The following FGF13 variants were observed in gnomAD, a reference collection of about 807,000 sequenced individuals.
FGF13 encodes the protein fibroblast growth factor 13.
FGF13 carries 2 observed loss-of-function variants against 19.5 expected under a neutral mutation model. The ratio of observed to expected loss-of-function variants is 0.10; its 90% CI spans 0.04 to 0.32. The LOEUF is 0.32. Ranked by LOEUF, FGF13 falls within the 10% of genes least tolerant of loss-of-function variation. The pLI is 1.00. For synonymous variants in FGF13, 72 were observed against 76.9 expected (o/e 0.94, Z 0.33); for missense variants, 113 against 192.7 (o/e 0.59, Z 2.45).
At chrX:138,922,923 T>C (rs1446443451) in intron 1 of FGF13, among the ~76,000 whole-genome samples, 1 of 111,997 alleles carries the variant, frequency 8.9e-6, no homozygotes, top group Non-Finnish European at 1.9e-5. Context: ...ACAGTCCATA[T>C]ATATTTGTTG....
chrX:138,629,452 T>C lies in FGF13; in HGVS notation c.*3398A>G, dbSNP rs1032227660. ...GAGGGAGGGACCTGGTGGGAGGTGA[T>C]TGGATCCTCGGGGCGGTTTCCCCAT... On this transcript the variant is annotated 3_prime_UTR_variant, in exon 5 of 5. Coordinates refer to ENST00000315930, the MANE Select transcript of FGF13 (RefSeq NM_004114.5). The C allele has an allele frequency of 8.1e-5, 9 of 111,328 alleles. No homozygotes were observed. Among genetic ancestry groups the C allele is most frequent in the East Asian group, 2.8e-4 (1 of 3,511 alleles). 9.2% of individuals were successfully genotyped at this position (111,328 alleles called of 1,213,427 possible). A position where few individuals can be genotyped will look rare whatever the true frequency, so the allele number is the denominator to read the frequency against.
chrX:138,984,751 A>AAGAAGAGGGAGGAGGGGGAGG (rs2091987414), intron 1 of FGF13, among the ~76,000 whole-genome samples: 1 of 105,528 alleles, frequency 9.5e-6, no homozygotes, highest in African/African-American at 3.5e-5. Flanking sequence ...GGAGGAGGAG[A>AAGAAGAGGGAGGAGGGGGAGG]AGGAGGAGAA....
At chrX:138,961,556 G>T (rs2091870151) in intron 1 of FGF13, among the ~76,000 whole-genome samples, 1 of 111,474 alleles carries the variant, frequency 9.0e-6, no homozygotes, top group Non-Finnish European at 1.9e-5. Flanking sequence ...GTCTGCAGAA[G>T]TTTCTGCCGC....
At chrX:139,098,361 C>T (rs1314230028) in intron 1 of FGF13, among the ~76,000 whole-genome samples, 1 of 111,273 alleles carries the variant, frequency 9.0e-6, no homozygotes, top group Non-Finnish European at 1.9e-5. Context: ...CCCAGTAATC[C>T]CCCTACTGGG....
chrX:138,734,133 T>G (rs1204504188), intron 1 of FGF13, among the ~76,000 whole-genome samples: 1 of 111,821 alleles, frequency 8.9e-6, no homozygotes, highest in African/African-American at 3.2e-5. Context: ...TTGTAGGTTC[T>G]CACTGCATAT....
intron 2 of FGF13, among the ~76,000 whole-genome samples, chrX:138,859,808 A>T (rs1201732842): frequency 1.6e-4 from 18 of 112,480 alleles, no homozygotes; most frequent in Non-Finnish European, 1.7e-4. Flanking sequence ...GAAGGTCATA[A>T]AAGTGCAGGA....
intron 1 of FGF13, among the ~76,000 whole-genome samples, chrX:139,192,474 AG>A (rs1267479259): frequency 4.1e-4 from 46 of 110,919 alleles, no homozygotes; most frequent in Non-Finnish European, 4.7e-4. Flanking sequence ...GGTCAGCGGG[AG>A]GGTTTTTGTT....
At chrX:139,000,031 A>G (rs2092065012) in intron 1 of FGF13, among the ~76,000 whole-genome samples, 1 of 112,216 alleles carries the variant, frequency 8.9e-6, no homozygotes, top group Non-Finnish European at 1.9e-5. Flanking sequence ...CTGGTTCAAC[A>G]TACACAAATC....
intron 3 of FGF13, among the ~76,000 whole-genome samples, chrX:138,838,570 G>A (rs1300539094): frequency 8.9e-6 from 1 of 111,938 alleles, no homozygotes; most frequent in African/African-American, 3.3e-5. Context: ...CAGGTGGGCT[G>A]TCATTCTTTG....
At position 138,898,128 on chromosome X, in the gene FGF13, C is replaced by T. The variant is rs144263733; in HGVS notation, c.-112-33478G>A. 8.3e-3 allele frequency among the ~76,000 whole-genome samples: 926 copies of T among 111,181 alleles called. 10 individuals are homozygous for T. Among genetic ancestry groups the T allele is most frequent in the African/African-American group, 0.028 (857 of 30,605 alleles). On this transcript the variant is annotated intron_variant, in intron 1 of 2. Coordinates refer to the FGF13 transcript ENST00000421460. ...ATATTTGCTCTTCTATTTAAAAATG[C>T]ATCCTCTGACATTAACAACAACAAT...
At chrX:139,107,610 A>C (rs2083569374) in intron 1 of FGF13, among the ~76,000 whole-genome samples, 1 of 110,903 alleles carries the variant, frequency 9.0e-6, no homozygotes, top group Non-Finnish European at 1.9e-5. Context: ...GGGAAAGGAG[A>C]GAGGGAGGAA....
At position 138,651,477 on chromosome X, in the gene FGF13, T is replaced by A. The variant is rs189592534; in HGVS notation, c.403-15822A>T. ...ACAGTTGCTCACTGTATTCTGAATA[T>A]ATAATAATAGATTCGATTTTTCCTG... On this transcript the variant is annotated intron_variant, in intron 3 of 4. Coordinates refer to ENST00000315930, the MANE Select transcript of FGF13 (RefSeq NM_004114.5). 2.1e-3 allele frequency among the ~76,000 whole-genome samples: 241 copies of A among 112,241 alleles called. 1 individual carries two copies. Among genetic ancestry groups the A allele is most frequent in the Non-Finnish European group, 3.6e-3 (193 of 53,225 alleles).
At position 138,727,070 on chromosome X, in the gene FGF13, G is replaced by A. The variant is rs2090191197; in HGVS notation, c.28+12172C>T. Among the ~76,000 whole-genome samples the A allele has an allele frequency of 8.1e-5, 9 of 111,084 alleles. No individual in the cohort carries two copies. The South Asian group carries it at 3.1e-3, about 38-fold the overall frequency. Reference sequence around the variant, plus strand: ...AATAATCCTTCGAAGTAGGTATTATGTGTATCTCATTTTTTTCTGATATGG... The same window carrying A: ...AATAATCCTTCGAAGTAGGTATTATATGTATCTCATTTTTTTCTGATATGG... On this transcript the variant is annotated intron_variant, in intron 1 of 4. Transcript: ENST00000305414.
intron 1 of FGF13, among the ~76,000 whole-genome samples, chrX:138,962,720 T>C (rs1347001611): frequency 4.5e-5 from 5 of 111,607 alleles, no homozygotes; most frequent in Non-Finnish European, 5.6e-5. Context: ...CTGGAAACCA[T>C]CATTCTGAGC....
In FGF13 at chrX:138,623,488, A is replaced by T. The variant is rs752325608; in HGVS notation, c.*9362T>A. On this transcript the variant is annotated 3_prime_UTR_variant, in exon 5 of 5. Transcript: ENST00000315930. ...CAATGAACTATCCAAAAAATAAATTAGTGGCTGGGTGCAGTGGCTCACGCC... is the reference window on the plus strand; with the variant it reads ...CAATGAACTATCCAAAAAATAAATTTGTGGCTGGGTGCAGTGGCTCACGCC... 8.9e-6 allele frequency: 1 copy of T among 111,889 alleles called. No homozygotes were observed. Among genetic ancestry groups the T allele is most frequent in the Admixed American group, 9.5e-5 (1 of 10,569 alleles). The allele number at this position is 111,889 out of a possible 1,213,427, so 9.2% of individuals were successfully genotyped here. A position where few individuals can be genotyped will look rare whatever the true frequency, so the allele number is the denominator to read the frequency against.
intron 1 of FGF13, among the ~76,000 whole-genome samples, chrX:138,944,083 C>A (rs2091771363): frequency 9.0e-6 from 1 of 110,952 alleles, no homozygotes; most frequent in Non-Finnish European, 1.9e-5. Context: ...AATGCCTATA[C>A]AATATTAAGC....
At chrX:139,170,169 CT>C (rs1355760801) in intron 1 of FGF13, among the ~76,000 whole-genome samples, 1 of 111,477 alleles carries the variant, frequency 9.0e-6, no homozygotes, top group Non-Finnish European at 1.9e-5. Context: ...CCCCTAAATC[CT>C]TTCAGTCCAC....
intron 1 of FGF13, among the ~76,000 whole-genome samples, chrX:139,047,926 TAGG>T (rs2124409884): frequency 9.0e-6 from 1 of 111,694 alleles, no homozygotes; most frequent in East Asian, 2.8e-4. Context: ...TATGAATTTG[TAGG>T]AGTATTTTTA....
intron 1 of FGF13, among the ~76,000 whole-genome samples, chrX:138,916,703 A>G (rs2091619886): frequency 1.8e-5 from 2 of 112,366 alleles, no homozygotes; most frequent in South Asian, 7.4e-4. Flanking sequence ...TCAATATTCA[A>G]CTGAGTACTG....
Sources: allele counts gnomAD v4.1 joint callset (sites outside exome capture counted in the v4.1 genomes callset), GRCh38; gene constraint gnomAD v4.1.1; transcripts MANE v1.5; gene names NCBI Gene and HGNC (gene_info 2026-07-23, HGNC 2026-07-21).